The following GMNC variants were observed in gnomAD, a reference collection of about 807,000 sequenced individuals.
The protein encoded by GMNC is geminin coiled-coil domain-containing protein 1.
In GMNC, 16 loss-of-function variants were observed where a neutral mutation model predicts 33.6. The observed-to-expected ratio is 0.48, with a 90% confidence interval of 0.32 to 0.72. The LOEUF (loss-of-function observed/expected upper bound fraction) is 0.72. Among genes scored for constraint, GMNC ranks in the 30% least tolerant of loss-of-function variants. The probability of loss-of-function intolerance (pLI) is 0.03; values close to 1 mark genes in which losing one functional copy is unlikely to be tolerated. For missense variants in GMNC, 393 were observed against 388.9 expected, an observed-to-expected ratio of 1.01 and a Z score of -0.09; for synonymous variants, 156 against 147.3, an observed-to-expected ratio of 1.06 and a Z score of -0.43.
rs113249463 is a variant in GMNC at position 190,862,420 on chromosome 3, A to AAG, written c.3+191_3+192dup. 0.14 allele frequency among the ~76,000 whole-genome samples: 20,845 copies of AAG among 147,792 alleles called. 1,628 individuals carry two copies. Among genetic ancestry groups the AAG allele is most frequent in the African/African-American group, 0.22 (8,907 of 40,244 alleles). Reference sequence around the variant, plus strand: ...GAAAGAAGAGGGAGAGAGGGAGAGAAAGAGAGAGAGAGAGAGAGAAAGCAG... The same window carrying AAG: ...GAAAGAAGAGGGAGAGAGGGAGAGAAAGAGAGAGAGAGAGAGAGAGAAAGCAG... On this transcript the variant is annotated intron_variant, in intron 1 of 4. Coordinates refer to ENST00000442080, the MANE Select transcript of GMNC (RefSeq NM_001146686.3). The surrounding 1 kb of genome is among the most constrained non-coding windows in gnomAD (Gnocchi z 4.5).
At chr3:190,843,505 G>A in the GMNC span, among the ~76,000 whole-genome samples, 1 of 152,046 alleles carries the variant, frequency 6.6e-6, no homozygotes, top group Non-Finnish European at 1.5e-5. Flanking sequence ...TGGACAGCAG[G>A]GGCACCTTAA....
chr3:190,855,756 C>T lies in GMNC; in HGVS notation c.544G>A (p.Gly182Arg). The change falls in exon 5 of 5, where the codon GGG (glycine) becomes AGG (arginine). Residue 182 changes from glycine (G) to arginine (R), a missense_variant. By Grantham distance (125) the Gly-to-Arg change is moderately radical. Transcript: ENST00000442080. ...AGGACCCAGGGATCCACAGGGGGCCCAGCTTGTTCTTCACAGTTAGCAAAT... is the reference window on the plus strand; with the variant it reads ...AGGACCCAGGGATCCACAGGGGGCCTAGCTTGTTCTTCACAGTTAGCAAAT... ...SEFANCEEQAGPPVDPWVLQT... is the reference protein window; with the variant it reads ...SEFANCEEQARPPVDPWVLQT... 6.4e-7 allele frequency: 1 copy of T among 1,551,452 alleles called. No homozygotes were observed. Among genetic ancestry groups the T allele is most frequent in the South Asian group, 1.2e-5 (1 of 84,052 alleles).
chr3:190,853,555 A>G lies in GMNC; in HGVS notation c.*1740T>C, dbSNP rs1737671089. The G allele has an allele frequency of 6.6e-6, 1 of 152,138 alleles. No homozygotes were observed. Among genetic ancestry groups the G allele is most frequent in the South Asian group, 2.1e-4 (1 of 4,832 alleles). The allele number at this position is 152,138 out of a possible 1,614,324, so 9.4% of individuals were successfully genotyped here. A position where few individuals can be genotyped will look rare whatever the true frequency, so the allele number is the denominator to read the frequency against. ...GACCCTTTGCTTACATCACCAAAAT[A>G]AAGCAACAACCAAACAGAAACAACA... On this transcript the variant is annotated 3_prime_UTR_variant, in exon 5 of 5. Transcript: ENST00000442080.
chr3:190,846,718 CA>C, the GMNC span, among the ~76,000 whole-genome samples: 1 of 152,198 alleles, frequency 6.6e-6, no homozygotes, highest in Non-Finnish European at 1.5e-5. Context: ...ACTAATATTT[CA>C]CTCTCAACAG....
rs1737788892 is a variant in GMNC, at chr3:190,858,222, T to A, written c.268-323A>T. On this transcript the variant is annotated intron_variant, in intron 3 of 4. Coordinates refer to ENST00000442080, the MANE Select transcript of GMNC (RefSeq NM_001146686.3). ...AACTGTTTAAATATAGAAAATGATG[T>A]TTAGGAAGATGTTGCTGGACTCCTT... Among the ~76,000 whole-genome samples, 4 of 152,152 alleles carry A rather than the reference T, an allele frequency of 2.6e-5. No homozygotes were observed. The South Asian group carries it at 8.3e-4, about 32-fold the overall frequency.
chr3:190,850,390 G>A (rs1737614336), downstream of GMNC, among the ~76,000 whole-genome samples: 1 of 152,198 alleles, frequency 6.6e-6, no homozygotes, highest in Admixed American at 6.5e-5. Flanking sequence ...AAAACAGCCC[G>A]GAGGCTGAAA....
the GMNC span, among the ~76,000 whole-genome samples, chr3:190,844,358 T>A: frequency 6.6e-6 from 1 of 152,062 alleles, no homozygotes; most frequent in South Asian, 2.1e-4. Flanking sequence ...CTAGTTTCTG[T>A]TTTTAGCTTT....
At chr3:190,846,168 G>A in the GMNC span, among the ~76,000 whole-genome samples, 2 of 152,092 alleles carry the variant, frequency 1.3e-5, no homozygotes, top group Admixed American at 1.3e-4. Context: ...GGTGGAAGTT[G>A]CAGTAGCCAA....
rs551828363 is a variant in GMNC at position 190,854,158 on chromosome 3, T to G, written c.*1137A>C. On this transcript the variant is annotated 3_prime_UTR_variant, in exon 5 of 5. Coordinates refer to ENST00000442080, the MANE Select transcript of GMNC (RefSeq NM_001146686.3). ...AACTGCCATGTTGGAGTAAATCTGATAGGACCCAGCCTCAATTCATAGAAT... is the reference window on the plus strand; with the variant it reads ...AACTGCCATGTTGGAGTAAATCTGAGAGGACCCAGCCTCAATTCATAGAAT... 6.6e-6 allele frequency: 1 copy of G among 152,190 alleles called. No homozygotes were observed. The highest frequency in any genetic ancestry group is 1.5e-5 in the Non-Finnish European group (1 of 68,030). The allele number at this position is 152,190 out of a possible 1,614,324, so 9.4% of individuals were successfully genotyped here.
In GMNC at chr3:190,862,134, CA is replaced by C. The variant is rs995898666; in HGVS notation, c.3+478del. ...TTCTTTTATTTTAAAAGCATGTTTG[CA>C]GACTCTTTCCCTGAGGTTTTTTATT... is the stretch of plus-strand genomic sequence containing the variant. On this transcript the variant is annotated intron_variant, in intron 1 of 4. Coordinates refer to ENST00000442080, the MANE Select transcript of GMNC (RefSeq NM_001146686.3). The surrounding 1 kb of genome is among the most constrained non-coding windows in gnomAD (Gnocchi z 4.5). 6.6e-6 allele frequency among the ~76,000 whole-genome samples: 1 copy of C among 152,002 alleles called. No homozygotes were observed. Among genetic ancestry groups the C allele is most frequent in the African/African-American group, 2.4e-5 (1 of 41,398 alleles).
intron 3 of GMNC, among the ~76,000 whole-genome samples, chr3:190,858,549 T>C (rs1737796045): frequency 6.6e-6 from 1 of 152,224 alleles, no homozygotes; most frequent in South Asian, 2.1e-4. Flanking sequence ...AATCATTATG[T>C]CTTCTCCAAG....
intron 4 of GMNC, 54 bp downstream of exon 4, chr3:190,857,729 C>A: frequency 1.1e-6 from 1 of 902,300 alleles, no homozygotes; most frequent in South Asian, 1.4e-5. Flanking sequence ...AAATCATTTC[C>A]TTTCTCAAAT....
downstream of GMNC, among the ~76,000 whole-genome samples, chr3:190,851,888 G>T (rs1712617006): frequency 6.6e-6 from 1 of 151,882 alleles, no homozygotes; most frequent in Non-Finnish European, 1.5e-5. Context: ...AAATTATATA[G>T]AAATCATATT....
chr3:190,856,154 A>T (rs1028094332), intron 4 of GMNC, among the ~76,000 whole-genome samples: 24 of 150,718 alleles, frequency 1.6e-4, no homozygotes, highest in African/African-American at 5.6e-4. Context: ...AGCACCGGCA[A>T]GTTATTATTA....
the GMNC span, among the ~76,000 whole-genome samples, chr3:190,845,508 C>CTTTTTTTTTTTTTT: frequency 4.0e-5 from 5 of 125,832 alleles, no homozygotes; most frequent in Non-Finnish European, 4.9e-5. Flanking sequence ...ATTTTGAAAC[C>CTTTTTTTTTTTTTT]TTTTTTTTTT....
At position 190,857,887 on chromosome 3, in the gene GMNC, G is replaced by C. The variant is rs1288506592; in HGVS notation, c.280C>G (p.Leu94Val). 3 of 1,544,414 alleles carry C rather than the reference G, an allele frequency of 1.9e-6. No individual in the cohort carries two copies. Among genetic ancestry groups the C allele is most frequent in the East Asian group, 2.4e-5 (1 of 40,870 alleles). Residue 94 changes from leucine (L) to valine (V), a missense_variant, in exon 4 of 5, where the codon CTG becomes GTG. Leu to Val is a conservative substitution (Grantham distance 32). Transcript: ENST00000442080. ...LYRNKQLQDTLVQKEEELARL... is the reference protein window; with the variant it reads ...LYRNKQLQDTVVQKEEELARL... The stretch of plus-strand genomic sequence containing the variant: ...GCGAGTTCTTCTTCCTTCTGCACCA[G>C]GGTATCTTGCAGCTACAAAAAGCAG...
Position 190,853,608 on chromosome 3 carries a change from A to T in GMNC, c.*1687T>A, listed in dbSNP as rs1335514833. On this transcript the variant is annotated 3_prime_UTR_variant, in exon 5 of 5. Coordinates refer to ENST00000442080, the MANE Select transcript of GMNC (RefSeq NM_001146686.3). ...GAAAGGCATGTCTCTGTTACAAAGA[A>T]TCCTAACCAACACAGTTGACCTACG... The T allele has an allele frequency of 6.6e-6, 1 of 152,076 alleles. No homozygotes were observed. Among genetic ancestry groups the T allele is most frequent in the Non-Finnish European group, 1.5e-5 (1 of 67,980 alleles). 9.4% of individuals were successfully genotyped at this position (152,076 alleles called of 1,614,324 possible).
At chr3:190,852,655 G>C (rs74315960), downstream of GMNC, among the ~76,000 whole-genome samples, 896 of 152,160 alleles carry the variant, frequency 5.9e-3, 10 homozygotes, top group African/African-American at 0.02. Flanking sequence ...AGCCCTAAAT[G>C]CTGAAGTCAT....
chr3:190,862,377 C>CGA lies in GMNC; in HGVS notation c.3+234_3+235dup, dbSNP rs889984976. Among the ~76,000 whole-genome samples the CGA allele has an allele frequency of 1.9e-5, 2 of 106,214 alleles. No individual in the cohort carries two copies. Among genetic ancestry groups the CGA allele is most frequent in the African/African-American group, 7.9e-5 (2 of 25,300 alleles). The allele number at this position is 106,214 out of a possible 152,430, so 69.7% of individuals were successfully genotyped here. Reference sequence around the variant, plus strand: ...TAATAACAGAAAGAGAGAGAGAGGGCGAGAGAGAGAAAGGAGAGAAAGAAG... The same window carrying CGA: ...TAATAACAGAAAGAGAGAGAGAGGGCGAGAGAGAGAGAAAGGAGAGAAAGAAG... On this transcript the variant is annotated intron_variant, in intron 1 of 4. Coordinates refer to ENST00000442080, the MANE Select transcript of GMNC (RefSeq NM_001146686.3). The surrounding 1 kb of genome is among the most constrained non-coding windows in gnomAD (Gnocchi z 4.5).
Sources: gnomAD v4.1 joint callset for allele counts (sites outside exome capture counted in the v4.1 genomes callset) on GRCh38, gnomAD v4.1.1 for gene constraint, Gnocchi (gnomAD v3.1) non-coding constraint, MANE v1.5 for transcripts, NCBI Gene and HGNC (gene_info 2026-07-23, HGNC 2026-07-21) for gene names.